Variants in HEATR6 observed in about 807,000 individuals in gnomAD.
HEATR6 encodes HEAT repeat-containing protein 6.
In HEATR6, 106 loss-of-function variants were observed where a neutral mutation model predicts 132.8. That is an observed-to-expected ratio of 0.80 (90% CI 0.68 to 0.94). The LOEUF (loss-of-function observed/expected upper bound fraction) is 0.94. HEATR6 is among the 40% of genes least tolerant of loss of function. The probability of loss-of-function intolerance (pLI) is 0.00; values close to 1 mark genes in which losing one functional copy is unlikely to be tolerated. For missense variants in HEATR6, 1,339 were observed against 1,425.1 expected, an observed-to-expected ratio of 0.94 and a Z score of 0.97; for synonymous variants, 529 against 537.8, an observed-to-expected ratio of 0.98 and a Z score of 0.23.
intron 18 of HEATR6, 38 bp from the exon 19 acceptor site, chr17:60,046,267 C>T (rs770050353): frequency 6.6e-7 from 1 of 1,504,684 alleles, no homozygotes; most frequent in Admixed American, 2.0e-5. Context: ...TCTGTTTGGC[C>T]AAAGAGATGT....
rs535555227 is a variant in HEATR6 at position 60,069,955 on chromosome 17, C to T, written c.802-107G>A. 1.3e-3 allele frequency: 1,718 copies of T among 1,318,474 alleles called. 1 individual carries two copies. Among genetic ancestry groups the T allele is most frequent in the Non-Finnish European group, 1.7e-3 (1,608 of 958,952 alleles). 81.7% of individuals were successfully genotyped at this position (1,318,474 alleles called of 1,614,324 possible). A position where few individuals can be genotyped will look rare whatever the true frequency, so the allele number is the denominator to read the frequency against. ...ACTATTTACCATGTCTGGATCACAACACTCATAGATAATGTTCAAAAGCCT... is the reference window on the plus strand; with the variant it reads ...ACTATTTACCATGTCTGGATCACAATACTCATAGATAATGTTCAAAAGCCT... On this transcript the variant is annotated intron_variant, in intron 6 of 19. Coordinates refer to ENST00000184956, the MANE Select transcript of HEATR6 (RefSeq NM_022070.5).
chr17:60,048,166 G>A (rs771817444), intron 17 of HEATR6, 98 bp downstream of exon 17: 45 of 1,265,788 alleles, frequency 3.6e-5, no homozygotes, highest in Admixed American at 3.1e-4. Flanking sequence ...CATAATATGC[G>A]GGAACTACTG....
intron 15 of HEATR6, 137 bp from the exon 16 acceptor site, chr17:60,049,839 G>T: frequency 1.1e-6 from 1 of 902,986 alleles, no homozygotes; most frequent in Non-Finnish European, 1.6e-6. Flanking sequence ...AGGCTACCCT[G>T]GTAAAAAGCA....
At position 60,046,241 on chromosome 17, in the gene HEATR6, G is replaced by A. The variant is rs781298805; in HGVS notation, c.2770-12C>T. On this transcript the variant is annotated splice_polypyrimidine_tract_variant and intron_variant, in intron 18 of 19. Coordinates refer to ENST00000184956, the MANE Select transcript of HEATR6 (RefSeq NM_022070.5). Reference sequence around the variant, plus strand: ...GCATTGCTTTTTACCTAGAAAAAATGTAAATGCTTTAGAAATCTGTTTGGC... The same window carrying A: ...GCATTGCTTTTTACCTAGAAAAAATATAAATGCTTTAGAAATCTGTTTGGC... The A allele has an allele frequency of 1.9e-6, 3 of 1,576,728 alleles. No individual in the cohort carries two copies. Among genetic ancestry groups the A allele is most frequent in the East Asian group, 4.5e-5 (2 of 44,508 alleles).
At chr17:60,077,873 AAAT>A (rs1465829212) in intron 1 of HEATR6, among the ~76,000 whole-genome samples, 1 of 152,158 alleles carries the variant, frequency 6.6e-6, no homozygotes, top group Non-Finnish European at 1.5e-5. Context: ...ATGAACTGAG[AAAT>A]ATATATGAGA....
Position 60,070,808 on chromosome 17 carries a change from CT to C in HEATR6, c.700-2del. 6.5e-7 allele frequency: 1 copy of C among 1,538,214 alleles called. No homozygotes were observed. The highest frequency in any genetic ancestry group is 9.0e-7 in the Non-Finnish European group (1 of 1,111,284). ...TACCTTTTAATGCATTTTGCAATAA[CT>C]AGGGGGAAAAGGGAGACCCAGTTAG... On this transcript the variant is annotated splice_acceptor_variant, in intron 5 of 19. Transcript: ENST00000184956. LOFTEE classifies it high-confidence loss of function.
chr17:60,048,983 A>AATATATATATATATATATAT (rs35114523), intron 16 of HEATR6, among the ~76,000 whole-genome samples: 6 of 69,576 alleles, frequency 8.6e-5, no homozygotes, highest in Non-Finnish European at 1.4e-4. Flanking sequence ...ATATATATAT[A>AATATATATATATATATATAT]ATATATATAT....
chr17:60,047,041 A>T (rs1005051668), intron 18 of HEATR6, among the ~76,000 whole-genome samples: 2 of 151,864 alleles, frequency 1.3e-5, no homozygotes, highest in Non-Finnish European at 2.9e-5. Context: ...TTTGGAAAAT[A>T]AAAAAAAGTT....
At position 60,053,884 on chromosome 17, in the gene HEATR6, G is replaced by C. The variant is rs541093788; in HGVS notation, c.2289+1631C>G. ...GGAACTTATCATTACAAGGTTAGCA[G>C]AGCATAAAAATTTGGAAAACTTGCA... On this transcript the variant is annotated intron_variant, in intron 14 of 19. Coordinates refer to ENST00000184956, the MANE Select transcript of HEATR6 (RefSeq NM_022070.5). 1.6e-4 allele frequency among the ~76,000 whole-genome samples: 25 copies of C among 152,332 alleles called. No homozygotes were observed. The East Asian group carries it at 4.6e-3, about 28-fold the overall frequency.
chr17:60,055,714 A>AACACCTTCACTCGAGTG (rs1568617827), intron 13 of HEATR6, 113 bp from the exon 14 acceptor site: 12 of 630,920 alleles, frequency 1.9e-5, no homozygotes, highest in Non-Finnish European at 3.0e-5. Context: ...CCACTCGAGT[A>AACACCTTCACTCGAGTG]ACACCTTCAC....
intron 10 of HEATR6, 55 bp downstream of exon 10, chr17:60,059,835 G>T: frequency 7.9e-7 from 1 of 1,265,310 alleles, no homozygotes; most frequent in Non-Finnish European, 1.2e-6. Flanking sequence ...ATGTAAAACA[G>T]TATACAAAAT....
At chr17:60,046,949 T>C (rs1906386111) in intron 18 of HEATR6, among the ~76,000 whole-genome samples, 1 of 152,158 alleles carries the variant, frequency 6.6e-6, no homozygotes, top group African/African-American at 2.4e-5. Context: ...AGCCCAGACA[T>C]GTGCTTTTTA....
chr17:60,069,557 T>A (rs2083260078), intron 7 of HEATR6, among the ~76,000 whole-genome samples, 154 bp downstream of exon 7: 1 of 152,196 alleles, frequency 6.6e-6, no homozygotes, highest in African/African-American at 2.4e-5. Flanking sequence ...ATTTTGAGCA[T>A]CAGATGAGTT....
intron 2 of HEATR6, chr17:60,075,583 A>C (rs1468805546): frequency 6.6e-6 from 1 of 152,166 alleles, no homozygotes; most frequent in African/African-American, 2.4e-5. Context: ...AGACCATAAA[A>C]ATGGTAGCTT....
In HEATR6 at chr17:60,067,416, G is replaced by A; in HGVS notation, c.1238+18C>T. ...AACTTAGAATACAAGGTATAAAAAT[G>A]TAACAAAATACTACTACCTCATTTT... On this transcript the variant is annotated intron_variant, in intron 8 of 19. Coordinates refer to ENST00000184956, the MANE Select transcript of HEATR6 (RefSeq NM_022070.5). 1 of 1,498,326 alleles carries A rather than the reference G, an allele frequency of 6.7e-7. No individual in the cohort carries two copies. The highest frequency in any genetic ancestry group is 1.4e-5 in the South Asian group (1 of 72,538). The allele number at this position is 1,498,326 out of a possible 1,614,324, so 92.8% of individuals were successfully genotyped here.
chr17:60,043,474 T>C lies in HEATR6; in HGVS notation c.*89A>G. On this transcript the variant is annotated 3_prime_UTR_variant, in exon 20 of 20. Transcript: ENST00000184956. ...AAATAAATAGTGAACGGATTGTTTC[T>C]GCCCCTAAGATGAAATCCCACAGAT... The C allele has an allele frequency of 9.3e-7, 1 of 1,072,206 alleles. No individual in the cohort carries two copies. The highest frequency in any genetic ancestry group is 1.4e-6 in the Non-Finnish European group (1 of 726,568). 66.4% of individuals were successfully genotyped at this position (1,072,206 alleles called of 1,614,324 possible).
In HEATR6 at chr17:60,056,124, A is replaced by C. The variant is rs762468226; in HGVS notation, c.2193T>G (p.His731Gln). ...MGEADPSIQLHGAKLLEELGT... is the reference protein window; with the variant it reads ...MGEADPSIQLQGAKLLEELGT... Reference sequence around the variant, plus strand: ...TTTTGATGAAAATTACCTTTGCTCCATGAAGCTGAATGGATGGATCTGCTT... The same window carrying C: ...TTTTGATGAAAATTACCTTTGCTCCCTGAAGCTGAATGGATGGATCTGCTT... The change falls in exon 13 of 20, where the codon CAT (histidine) becomes CAG (glutamine). Residue 731 changes from histidine (H) to glutamine (Q), a missense_variant. Physicochemically the swap from His to Gln is conservative, Grantham distance 24. Coordinates refer to ENST00000184956, the MANE Select transcript of HEATR6 (RefSeq NM_022070.5). 1 of 1,613,786 alleles carries C rather than the reference A, an allele frequency of 6.2e-7. No individual in the cohort carries two copies. Among genetic ancestry groups the C allele is most frequent in the Non-Finnish European group, 8.5e-7 (1 of 1,179,962 alleles).
chr17:60,066,325 T>C lies in HEATR6; in HGVS notation c.1300A>G (p.Ile434Val). 6.2e-7 allele frequency: 1 copy of C among 1,613,900 alleles called. No homozygotes were observed. ...LVCFLSTIKS[I>V]EKKVLYGYWS... ...TAGCCATAAAGAACTTTTTTTTCTA[T>C]CGATTTTATAGTAGAAAGAAAACAA... The change falls in exon 9 of 20, where the codon ATA becomes GTA. Residue 434 changes from isoleucine to valine, a missense_variant. Transcript: ENST00000184956.
intron 2 of HEATR6, among the ~76,000 whole-genome samples, chr17:60,074,417 G>T (rs2083287148): frequency 6.6e-6 from 1 of 152,198 alleles, no homozygotes; most frequent in South Asian, 2.1e-4. Context: ...ACCAAGTGCT[G>T]GAAAGCTGGT....
Sources: allele counts gnomAD v4.1 joint callset (sites outside exome capture counted in the v4.1 genomes callset), GRCh38; gene constraint gnomAD v4.1.1; transcripts MANE v1.5; gene names NCBI Gene and HGNC (gene_info 2026-07-23, HGNC 2026-07-21).